Variants in EYS observed in about 807,000 individuals in gnomAD.
EYS encodes the protein protein eyes shut homolog.
In EYS, 250 loss-of-function variants were observed where a neutral mutation model predicts 282.1. The observed-to-expected ratio is 0.89, with a 90% CI of 0.80 to 0.98. The LOEUF is 0.98. Ranked by LOEUF, EYS falls within the 50% of genes least tolerant of loss-of-function variation. The pLI is 0.00. For synonymous variants in EYS, 1,355 were observed against 1,282.9 expected, an observed-to-expected ratio of 1.06 and a Z score of -1.20; for missense variants, 4,016 against 3,709.0, an observed-to-expected ratio of 1.08 and a Z score of -2.15.
At chr6:65,567,235 T>C (rs1180452567) in intron 2 of EYS, among the ~76,000 whole-genome samples, 1 of 147,604 alleles carries the variant, frequency 6.8e-6, no homozygotes, top group African/African-American at 2.5e-5. Flanking sequence ...CTGTCAGAAA[T>C]ATATATGTGT....
intron 2 of EYS, among the ~76,000 whole-genome samples, chr6:65,501,619 T>C (rs1184281924): frequency 6.6e-6 from 1 of 151,782 alleles, no homozygotes; most frequent in African/African-American, 2.4e-5. Context: ...ATAAAAGATT[T>C]ACCATTCAAG....
chr6:64,776,002 A>G (rs1235835790), intron 22 of EYS, among the ~76,000 whole-genome samples: 1 of 152,098 alleles, frequency 6.6e-6, no homozygotes, highest in Non-Finnish European at 1.5e-5. Flanking sequence ...TGTAAAATGT[A>G]TCAGCCAAAC....
chr6:64,430,419 C>G (rs1033226370), intron 28 of EYS, among the ~76,000 whole-genome samples: 1 of 152,128 alleles, frequency 6.6e-6, no homozygotes. Flanking sequence ...TGTAATCTGA[C>G]ATGCTAAGCA....
chr6:64,682,347 G>A (rs1272496956), intron 22 of EYS, among the ~76,000 whole-genome samples: 1 of 152,076 alleles, frequency 6.6e-6, no homozygotes, highest in Non-Finnish European at 1.5e-5. Context: ...CAGCCTGGGA[G>A]ACAGAGGGAG....
intron 12 of EYS, among the ~76,000 whole-genome samples, chr6:65,279,649 A>G (rs1234275886): frequency 6.6e-6 from 1 of 152,182 alleles, no homozygotes; most frequent in African/African-American, 2.4e-5. Flanking sequence ...TGAATATATG[A>G]ATGACTAAAT....
intron 12 of EYS, among the ~76,000 whole-genome samples, chr6:65,064,615 C>T (rs528585586): frequency 6.7e-6 from 1 of 149,848 alleles, no homozygotes; most frequent in African/African-American, 2.4e-5. Flanking sequence ...ATAGTAATAG[C>T]TATATACTAA....
chr6:64,250,049 A>G (rs1445747284), intron 30 of EYS, among the ~76,000 whole-genome samples: 1 of 152,224 alleles, frequency 6.6e-6, no homozygotes, highest in Non-Finnish European at 1.5e-5. Flanking sequence ...TGTGTGAACA[A>G]TACAATTTAC....
intron 16 of EYS, among the ~76,000 whole-genome samples, chr6:64,904,634 G>A (rs1467629175): frequency 6.6e-6 from 1 of 152,090 alleles, no homozygotes; most frequent in Non-Finnish European, 1.5e-5. Flanking sequence ...AGTTTTCTCT[G>A]GGAGGCAGGG....
At chr6:64,891,985 A>T (rs999495224) in intron 18 of EYS, among the ~76,000 whole-genome samples, 5 of 152,026 alleles carry the variant, frequency 3.3e-5, no homozygotes, top group South Asian at 2.1e-4. Context: ...CATTGCCCTA[A>T]AATTTTTCAA....
intron 12 of EYS, among the ~76,000 whole-genome samples, chr6:65,065,665 G>C (rs1469177357): frequency 6.6e-6 from 1 of 151,998 alleles, no homozygotes; most frequent in Non-Finnish European, 1.5e-5. Context: ...TTACAGGCGT[G>C]AGCCACCACA....
At chr6:64,468,398 CAAG>C (rs1411690252) in intron 26 of EYS, among the ~76,000 whole-genome samples, 2 of 152,180 alleles carry the variant, frequency 1.3e-5, no homozygotes, top group Non-Finnish European at 2.9e-5. Flanking sequence ...CAAACAATTG[CAAG>C]AAGTGACTGT....
intron 29 of EYS, among the ~76,000 whole-genome samples, chr6:64,328,323 C>T (rs1423378118): frequency 6.6e-6 from 1 of 152,172 alleles, no homozygotes; most frequent in Non-Finnish European, 1.5e-5. Flanking sequence ...GTATGCACAA[C>T]AAGCACTCCC....
intron 35 of EYS, among the ~76,000 whole-genome samples, chr6:63,932,070 CAT>C (rs1390607698): frequency 1.7e-4 from 26 of 152,206 alleles, no homozygotes; most frequent in African/African-American, 6.3e-4. Context: ...ATGCGGTTCA[CAT>C]ATGAATGAGA....
intron 12 of EYS, among the ~76,000 whole-genome samples, chr6:65,217,933 G>T (rs962597557): frequency 2.0e-5 from 3 of 152,032 alleles, no homozygotes; most frequent in African/African-American, 7.2e-5. Flanking sequence ...AAGAGTAGAA[G>T]CAAGAGTAGA....
intron 30 of EYS, among the ~76,000 whole-genome samples, chr6:64,235,907 G>A (rs918659998): frequency 1.2e-3 from 186 of 152,256 alleles, no homozygotes; most frequent in African/African-American, 4.3e-3. Flanking sequence ...AGGAGGAACT[G>A]GTACCATTCC....
At position 65,269,687 on chromosome 6, in the gene EYS, G is replaced by A. The variant is rs1210699840; in HGVS notation, c.2023+26176C>T. 2.6e-5 allele frequency among the ~76,000 whole-genome samples: 4 copies of A among 152,014 alleles called. No individual in the cohort carries two copies. In the East Asian group the frequency reaches 7.7e-4, roughly 29 times the overall value. The stretch of plus-strand genomic sequence containing the variant: ...TAGACACTGGAAAATTGAGATGAGG[G>A]TGCCAGGATGGTGGGGATCTGGTGA... On this transcript the variant is annotated intron_variant, in intron 12 of 42. Coordinates refer to ENST00000503581, the MANE Select transcript of EYS (RefSeq NM_001142800.2).
At chr6:63,944,273 GC>G (rs1412678369) in intron 35 of EYS, among the ~76,000 whole-genome samples, 2 of 152,114 alleles carry the variant, frequency 1.3e-5, no homozygotes, top group Non-Finnish European at 2.9e-5. Flanking sequence ...GCCACATATG[GC>G]AAAAATGAGC....
intron 12 of EYS, among the ~76,000 whole-genome samples, chr6:65,077,382 A>G (rs183429623): frequency 4.5e-4 from 68 of 152,208 alleles, no homozygotes; most frequent in African/African-American, 1.1e-3. Flanking sequence ...AATCAATGTT[A>G]TTGGTTGCAT....
At chr6:64,320,819 T>C (rs1770190369) in intron 29 of EYS, among the ~76,000 whole-genome samples, 1 of 151,856 alleles carries the variant, frequency 6.6e-6, no homozygotes, top group South Asian at 2.1e-4. Flanking sequence ...TCCAATTATT[T>C]ATGTAAATAA....
Sources: gnomAD v4.1 joint callset for allele counts (sites outside exome capture counted in the v4.1 genomes callset) on GRCh38, gnomAD v4.1.1 for gene constraint, MANE v1.5 for transcripts, NCBI Gene and HGNC (gene_info 2026-07-23, HGNC 2026-07-21) for gene names.